Variants in PTPRJ observed in about 807,000 individuals in gnomAD.
The protein encoded by PTPRJ is receptor-type tyrosine-protein phosphatase eta.
PTPRJ carries 129 observed loss-of-function variants against 141.3 expected under a neutral mutation model. The ratio of observed to expected loss-of-function variants is 0.91; its 90% CI spans 0.79 to 1.06. The LOEUF (loss-of-function observed/expected upper bound fraction) is 1.06, where lower values mean the gene tolerates loss of function less well. Among genes scored for constraint, PTPRJ ranks in the 50% least tolerant of loss-of-function variants. The pLI, the probability that PTPRJ is intolerant of heterozygous loss-of-function variation, is 0.00. For synonymous variants in PTPRJ, 610 were observed against 640.5 expected (o/e 0.95, Z 0.72); for missense variants, 1,601 against 1,679.7 (o/e 0.95, Z 0.82).
At chr11:48,093,534 C>T (rs1855924847) in intron 1 of PTPRJ, among the ~76,000 whole-genome samples, 1 of 152,176 alleles carries the variant, frequency 6.6e-6, no homozygotes, top group Non-Finnish European at 1.5e-5. Flanking sequence ...CCATTTGCAA[C>T]TACACGTCTC....
intron 22 of PTPRJ, among the ~76,000 whole-genome samples, chr11:48,161,609 C>T (rs1813473437): frequency 6.6e-6 from 1 of 151,814 alleles, no homozygotes; most frequent in Admixed American, 6.6e-5. Context: ...CTTTTCTTTT[C>T]TTTTCTTTTT....
intron 1 of PTPRJ, among the ~76,000 whole-genome samples, chr11:48,085,476 C>G (rs1855678072): frequency 1.3e-5 from 2 of 152,104 alleles, no homozygotes; most frequent in South Asian, 4.2e-4. Context: ...TCCTGAGTAG[C>G]TGGGATTACA....
intron 1 of PTPRJ, among the ~76,000 whole-genome samples, chr11:48,078,777 T>C (rs1178931584): frequency 3.4e-5 from 5 of 149,136 alleles, no homozygotes; most frequent in Non-Finnish European, 7.4e-5. Flanking sequence ...GAAATTCAAA[T>C]GTCAGTGTCT....
intron 1 of PTPRJ, among the ~76,000 whole-genome samples, chr11:48,060,244 A>G (rs936447365): frequency 2.0e-5 from 3 of 152,184 alleles, no homozygotes; most frequent in African/African-American, 7.2e-5. Flanking sequence ...TTGACGAAAT[A>G]ATATTTGAAT....
rs1857944143 is a variant in PTPRJ, at chr11:48,167,454, A to G, written c.*92A>G. 1 of 1,365,810 alleles carries G rather than the reference A, an allele frequency of 7.3e-7. No individual in the cohort carries two copies. The highest frequency in any genetic ancestry group is 1.0e-6 in the Non-Finnish European group (1 of 992,870). The allele number at this position is 1,365,810 out of a possible 1,614,324, so 84.6% of individuals were successfully genotyped here. The stretch of plus-strand genomic sequence containing the variant: ...ATGTCGACATGTTTTTATATGTCTA[A>G]TATCTTAATTCTTTGTTCTGTTTTG... On this transcript the variant is annotated 3_prime_UTR_variant, in exon 25 of 25. Coordinates refer to ENST00000418331, the MANE Select transcript of PTPRJ (RefSeq NM_002843.4).
At chr11:48,135,550 C>G in intron 8 of PTPRJ, among the ~76,000 whole-genome samples, 1 of 123,592 alleles carries the variant, frequency 8.1e-6, no homozygotes, top group South Asian at 2.9e-4. Context: ...GGTGTGATAT[C>G]GGCTCACTGC....
At chr11:48,039,494 T>A (rs1854220349) in intron 1 of PTPRJ, among the ~76,000 whole-genome samples, 1 of 151,856 alleles carries the variant, frequency 6.6e-6, no homozygotes, top group African/African-American at 2.4e-5. Context: ...TGTGTGTGTG[T>A]GTGTGTGTAT....
chr11:48,005,622 C>T (rs887180836), intron 1 of PTPRJ, among the ~76,000 whole-genome samples: 1 of 152,114 alleles, frequency 6.6e-6, no homozygotes, highest in African/African-American at 2.4e-5. Context: ...TGGGTCATTT[C>T]TACTTTTTGG....
At chr11:48,047,843 A>C (rs1390973681) in intron 1 of PTPRJ, among the ~76,000 whole-genome samples, 1 of 152,136 alleles carries the variant, frequency 6.6e-6, no homozygotes, top group Non-Finnish European at 1.5e-5. Context: ...GGTGGGGCTG[A>C]CGTGGCCTGG....
intron 1 of PTPRJ, among the ~76,000 whole-genome samples, chr11:47,998,259 G>T (rs2134187047): frequency 6.6e-6 from 1 of 152,122 alleles, no homozygotes; most frequent in South Asian, 2.1e-4. Context: ...AGCTAGATCA[G>T]TAGGGTGACT....
At chr11:48,147,457 C>T (rs1343210051) in intron 15 of PTPRJ, among the ~76,000 whole-genome samples, 1 of 152,214 alleles carries the variant, frequency 6.6e-6, no homozygotes, top group African/African-American at 2.4e-5. Flanking sequence ...ATCTGTACAA[C>T]TACCCTGTGA....
chr11:48,076,704 T>C (rs1027425050), intron 1 of PTPRJ, among the ~76,000 whole-genome samples: 3 of 151,760 alleles, frequency 2.0e-5, no homozygotes, highest in African/African-American at 4.8e-5. Context: ...CTTCTATTTT[T>C]ATAATTCTTT....
intron 1 of PTPRJ, among the ~76,000 whole-genome samples, chr11:48,095,008 A>T (rs533108876): frequency 1.3e-5 from 2 of 152,228 alleles, no homozygotes; most frequent in South Asian, 4.2e-4. Flanking sequence ...GCTCCTTGAG[A>T]AGCATTTGGA....
chr11:48,164,694 G>A (rs995801483), intron 24 of PTPRJ, among the ~76,000 whole-genome samples, 179 bp downstream of exon 24: 2 of 149,750 alleles, frequency 1.3e-5, no homozygotes, highest in African/African-American at 4.9e-5. Flanking sequence ...TGCCTCCCAA[G>A]TAGCTGGGAT....
intron 24 of PTPRJ, among the ~76,000 whole-genome samples, chr11:48,165,310 C>T (rs1857892041): frequency 6.6e-6 from 1 of 152,306 alleles, no homozygotes; most frequent in Non-Finnish European, 1.5e-5. Context: ...ATTTTAAAGA[C>T]TATCAATTAT....
chr11:48,160,661 A>G (rs770733018), intron 22 of PTPRJ, among the ~76,000 whole-genome samples: 3 of 152,196 alleles, frequency 2.0e-5, no homozygotes, highest in Non-Finnish European at 4.4e-5. Context: ...TGCTGTTTAT[A>G]TCACAGGCCT....
intron 1 of PTPRJ, among the ~76,000 whole-genome samples, chr11:48,007,978 C>T (rs1029475339): frequency 6.6e-6 from 1 of 152,212 alleles, no homozygotes; most frequent in South Asian, 2.1e-4. Context: ...GTTCTTTCTG[C>T]CCCCTTCTTC....
In PTPRJ at chr11:48,022,387, C is replaced by T. The variant is rs545059188; in HGVS notation, c.96+41379C>T. On this transcript the variant is annotated intron_variant, in intron 1 of 24. Coordinates refer to ENST00000418331, the MANE Select transcript of PTPRJ (RefSeq NM_002843.4). ...GCTGAGGCAGGAGAATCGCTTGAACCTGGGAGGCAGAGGTTGCAGCGAGCC... is the reference window on the plus strand; with the variant it reads ...GCTGAGGCAGGAGAATCGCTTGAACTTGGGAGGCAGAGGTTGCAGCGAGCC... 5.5e-4 allele frequency among the ~76,000 whole-genome samples: 83 copies of T among 151,926 alleles called. 1 individual carries two copies. The highest frequency in any genetic ancestry group is 1.1e-3 in the Non-Finnish European group (72 of 67,972).
At chr11:48,033,256 G>A (rs1854033952) in intron 1 of PTPRJ, among the ~76,000 whole-genome samples, 1 of 152,092 alleles carries the variant, frequency 6.6e-6, no homozygotes, top group African/African-American at 2.4e-5. Context: ...GGATCAGCTT[G>A]GTGGGAAGTG....
Sources: gnomAD v4.1 joint callset for allele counts (sites outside exome capture counted in the v4.1 genomes callset) on GRCh38, gnomAD v4.1.1 for gene constraint, MANE v1.5 for transcripts, NCBI Gene and HGNC (gene_info 2026-07-23, HGNC 2026-07-21) for gene names.